Variants in FAM185A observed in about 807,000 individuals in gnomAD.
FAM185A encodes family with sequence similarity 185 member A.
A neutral mutation model predicts 45.7 loss-of-function variants in FAM185A; 21 were observed. That is an observed-to-expected ratio of 0.46 (90% CI 0.33 to 0.66). FAM185A has a LOEUF of 0.66. Among genes scored for constraint, FAM185A ranks in the 30% least tolerant of loss-of-function variants. FAM185A has a pLI of 0.03. For synonymous variants in FAM185A, 117 were observed against 194.0 expected (o/e 0.60, Z 3.30); for missense variants, 305 against 485.4 (o/e 0.63, Z 3.49).
chr7:102,842,634 C>T, the FAM185A span, among the ~76,000 whole-genome samples: 2,579 of 152,338 alleles, frequency 0.017, 28 homozygotes, highest in Middle Eastern at 0.034. Flanking sequence ...CTCAACCCTT[C>T]TTACACTCCA....
chr7:102,822,283 C>A, the FAM185A span: 1 of 1,252,654 alleles, frequency 8.0e-7, no homozygotes, highest in South Asian at 1.2e-5. Context: ...CTTTGGGCAA[C>A]TATAATAAAC....
chr7:102,787,459 A>G lies in FAM185A; in HGVS notation c.1056A>G (p.Val352=). 15 of 1,516,432 alleles carry G rather than the reference A, an allele frequency of 9.9e-6. No homozygotes were observed. Among genetic ancestry groups the G allele is most frequent in the African/African-American group, 1.4e-5 (1 of 72,584 alleles). 93.9% of individuals were successfully genotyped at this position (1,516,432 alleles called of 1,614,324 possible). ...CTGAAGTTCGTAAAGATGATGTTGT[A>G]ACAGTGACTGGTAAGGAGGCTGCAT... ...EMAEVRKDDV[V]TVTGLMNQAS... Residue 352 remains valine (V), a synonymous_variant, in exon 7 of 8, where the codon GTA becomes GTG. Transcript: ENST00000413034.
At chr7:102,781,975 T>A (rs1050672142) in intron 6 of FAM185A, among the ~76,000 whole-genome samples, 1 of 152,084 alleles carries the variant, frequency 6.6e-6, no homozygotes, top group Non-Finnish European at 1.5e-5. Flanking sequence ...CTGATGGAGC[T>A]GAAAACCAAG....
At chr7:102,757,626 T>C (rs574594022) in intron 2 of FAM185A, among the ~76,000 whole-genome samples, 1 of 152,342 alleles carries the variant, frequency 6.6e-6, no homozygotes, top group East Asian at 1.9e-4. Flanking sequence ...TACCCAAGTA[T>C]CTCTTGTTTT....
chr7:102,803,819 A>G (rs1796937658), intron 7 of FAM185A, among the ~76,000 whole-genome samples: 1 of 152,196 alleles, frequency 6.6e-6, no homozygotes, highest in African/African-American at 2.4e-5. Context: ...GAACTGATAA[A>G]AGGATTCAAC....
chr7:102,759,257 G>T (rs1442728534), intron 3 of FAM185A, among the ~76,000 whole-genome samples: 2 of 151,984 alleles, frequency 1.3e-5, no homozygotes, highest in East Asian at 1.9e-4. Flanking sequence ...AAGTATCAAA[G>T]AATTTAATAT....
At chr7:102,812,771 T>A (rs1797502136), downstream of FAM185A, among the ~76,000 whole-genome samples, 1 of 152,090 alleles carries the variant, frequency 6.6e-6, no homozygotes, top group East Asian at 1.9e-4. Flanking sequence ...GATTTTATAA[T>A]CTCATCAAAA....
chr7:102,750,756 A>G (rs562345486), intron 1 of FAM185A, among the ~76,000 whole-genome samples: 46 of 152,308 alleles, frequency 3.0e-4, no homozygotes, highest in African/African-American at 7.7e-4. Flanking sequence ...CAAATTAAAT[A>G]TCAGCGTTTT....
At chr7:102,793,240 C>A (rs2129442865) in intron 7 of FAM185A, among the ~76,000 whole-genome samples, 1 of 152,030 alleles carries the variant, frequency 6.6e-6, no homozygotes, top group East Asian at 1.9e-4. Flanking sequence ...GAGACGGAGT[C>A]TCTCTCTATC....
chr7:102,843,943 G>A, the FAM185A span, among the ~76,000 whole-genome samples: 1 of 152,142 alleles, frequency 6.6e-6, no homozygotes, highest in Non-Finnish European at 1.5e-5. Context: ...ATACCTAAGT[G>A]ATCATCAGAC....
At chr7:102,834,096 A>AGGAAGGAAG in the FAM185A span, among the ~76,000 whole-genome samples, 3 of 97,068 alleles carry the variant, frequency 3.1e-5, no homozygotes, top group African/African-American at 1.6e-4. Flanking sequence ...AAAAGAAAGA[A>AGGAAGGAAG]AGAAAGAAAG....
At chr7:102,835,603 GTTTTTTTTTTTTT>G in the FAM185A span, among the ~76,000 whole-genome samples, 4 of 97,510 alleles carry the variant, frequency 4.1e-5, no homozygotes, top group Admixed American at 1.3e-4. Flanking sequence ...AGGTGACATT[GTTTTTTTTTTTTT>G]TTTTTTTTTT....
At position 102,761,319 on chromosome 7, in the gene FAM185A, C is replaced by T. The variant is rs770103710; in HGVS notation, c.701C>T (p.Thr234Ile). ...KLQGSSVTVS[T>I]EDGLLKAKYL... ...CAGGGAAGTTCTGTTACTGTATCTACCGAAGATGGTTTGCTGAAAGCCAAG... is the reference window on the plus strand; with the variant it reads ...CAGGGAAGTTCTGTTACTGTATCTATCGAAGATGGTTTGCTGAAAGCCAAG... Residue 234 changes from threonine (T) to isoleucine (I), a missense_variant, in exon 4 of 8, where the codon ACC becomes ATC. Thr to Ile is a moderately conservative substitution (Grantham distance 89). Coordinates refer to ENST00000413034, the MANE Select transcript of FAM185A (RefSeq NM_001145268.2). 2 of 1,546,970 alleles carry T rather than the reference C, an allele frequency of 1.3e-6. No homozygotes were observed. The highest frequency in any genetic ancestry group is 2.4e-5 in the South Asian group (2 of 83,138).
At chr7:102,848,495 G>T in the FAM185A span, among the ~76,000 whole-genome samples, 1 of 46,568 alleles carries the variant, frequency 2.1e-5, no homozygotes, top group African/African-American at 2.1e-4. Flanking sequence ...GGCGGAGCTT[G>T]CAGTGAGCCG....
In FAM185A at chr7:102,808,382, T is replaced by C; in HGVS notation, c.1159T>C (p.Ser387Pro). 2 of 1,545,900 alleles carry C rather than the reference T, an allele frequency of 1.3e-6. No individual in the cohort carries two copies. The highest frequency in any genetic ancestry group is 1.8e-6 in the Non-Finnish European group (2 of 1,141,714). ...VSFRRQSWFQ[S>P]LKLQD ...TTTTAGAAGGCAAAGTTGGTTTCAG[T>C]CCCTGAAACTGCAGGACTAAAACTG... is the stretch of plus-strand genomic sequence containing the variant. The change falls in exon 8 of 8, where the codon TCC becomes CCC. Residue 387 changes from serine to proline, a missense_variant. Around this residue, in one of 5 missense-constraint regions of FAM185A, gnomAD observed 66 missense variants for 74.6 expected, o/e 0.89. Transcript: ENST00000413034.
the FAM185A span, among the ~76,000 whole-genome samples, chr7:102,834,901 T>C: frequency 1.3e-5 from 2 of 151,950 alleles, no homozygotes; most frequent in African/African-American, 4.8e-5. Flanking sequence ...TGTGTGTGTG[T>C]GTGTGTGTGT....
intron 6 of FAM185A, among the ~76,000 whole-genome samples, chr7:102,777,890 A>C (rs1316799116): frequency 6.6e-6 from 1 of 152,162 alleles, no homozygotes; most frequent in East Asian, 1.9e-4. Flanking sequence ...TCTGAGTCCA[A>C]CTCTTTCATT....
intron 6 of FAM185A, among the ~76,000 whole-genome samples, chr7:102,784,801 C>T (rs1251090149): frequency 1.3e-5 from 2 of 152,226 alleles, no homozygotes; most frequent in East Asian, 1.9e-4. Context: ...CTCACCACTC[C>T]TCTTCAACAT....
At chr7:102,830,550 A>G in the FAM185A span, among the ~76,000 whole-genome samples, 2 of 152,226 alleles carry the variant, frequency 1.3e-5, no homozygotes, top group East Asian at 3.8e-4. Context: ...GTTCTAAACA[A>G]GTATATTATT....
Sources: gnomAD v4.1 joint callset for allele counts (sites outside exome capture counted in the v4.1 genomes callset) on GRCh38, gnomAD v4.1.1 for gene constraint, gnomAD v4.1.1 regional missense constraint, MANE v1.5 for transcripts, NCBI Gene and HGNC (gene_info 2026-07-23, HGNC 2026-07-21) for gene names.